FBH1: variants seen among roughly 807,000 people sequenced by gnomAD.
FBH1 encodes F-box DNA helicase 1.
Under a neutral mutation model 115.5 loss-of-function variants are expected in FBH1, and 43 were observed. That is an observed-to-expected ratio of 0.37 (90% CI 0.29 to 0.48). The LOEUF (loss-of-function observed/expected upper bound fraction) is 0.48. Among genes scored for constraint, FBH1 ranks in the 20% least tolerant of loss-of-function variants. FBH1 has a pLI of 0.99. For missense variants in FBH1, 1,001 were observed against 1,337.3 expected, an observed-to-expected ratio of 0.75 and a Z score of 3.92; for synonymous variants, 524 against 507.8, an observed-to-expected ratio of 1.03 and a Z score of -0.43.
intron 19 of FBH1, 33 bp downstream of exon 19, chr10:5,927,574 T>A: frequency 6.5e-7 from 1 of 1,543,712 alleles, no homozygotes; most frequent in Non-Finnish European, 8.9e-7. Context: ...GCTAACTTGA[T>A]GCCATTGAAT....
chr10:5,936,515 C>T lies in FBH1; in HGVS notation c.2889C>T (p.Cys963=), dbSNP rs1386061675. 4.3e-6 allele frequency: 7 copies of T among 1,614,012 alleles called. No individual in the cohort carries two copies. The highest frequency in any genetic ancestry group is 5.9e-6 in the Non-Finnish European group (7 of 1,180,010). Residue 963 remains cysteine, a synonymous_variant, in exon 20 of 21, where the codon TGC becomes TGT. Coordinates refer to ENST00000362091, the MANE Select transcript of FBH1 (RefSeq NM_178150.3). This position sits in a 1 kb window ranked among gnomAD's most constrained non-coding sequence, Gnocchi z 5.6. The part of the protein sequence containing the change: ...SNVLKTGVVR[C]CVGQCNNAIP... ...TCTTAAAAACAGGCGTGGTGCGCTG[C>T]TGCGTGGGACAGTGCAACAATGCCA...
Position 5,932,119 on chromosome 10 carries a change from C to T in FBH1, c.2830-4337C>T, listed in dbSNP as rs1318011153. On this transcript the variant is annotated intron_variant, in intron 19 of 20. Coordinates refer to ENST00000362091, the MANE Select transcript of FBH1 (RefSeq NM_178150.3). The surrounding 1 kb of genome is among the most constrained non-coding windows in gnomAD (Gnocchi z 5.9). ...CTGAGATTGTGCCACTGCACTCCAGCCTGGGTGACAGAGTGAGACCCTGTC... is the reference window on the plus strand; with the variant it reads ...CTGAGATTGTGCCACTGCACTCCAGTCTGGGTGACAGAGTGAGACCCTGTC... Among the ~76,000 whole-genome samples the T allele has an allele frequency of 6.6e-6, 1 of 152,152 alleles. No homozygotes were observed. The highest frequency in any genetic ancestry group is 1.9e-4 in the East Asian group (1 of 5,194).
At chr10:5,920,204 C>T (rs1245189146) in intron 13 of FBH1, among the ~76,000 whole-genome samples, 1 of 152,210 alleles carries the variant, frequency 6.6e-6, no homozygotes, top group Non-Finnish European at 1.5e-5. Flanking sequence ...TGGGATTTGT[C>T]TAATGTCTTT....
chr10:5,899,778 C>G lies in FBH1; in HGVS notation c.2-3242C>G, dbSNP rs117149007. Reference sequence around the variant, plus strand: ...CCCCATTCAGGCAAAATAGTCCTTGCGTTATATTTGTAATATGAAGGGTTT... The same window carrying G: ...CCCCATTCAGGCAAAATAGTCCTTGGGTTATATTTGTAATATGAAGGGTTT... On this transcript the variant is annotated intron_variant, in intron 1 of 20. Coordinates refer to ENST00000362091, the MANE Select transcript of FBH1 (RefSeq NM_178150.3). Among the ~76,000 whole-genome samples the G allele has an allele frequency of 3.2e-3, 492 of 152,178 alleles. 2 individuals are homozygous for G. Among genetic ancestry groups the G allele is most frequent in the Non-Finnish European group, 5.1e-3 (348 of 68,008 alleles).
intron 1 of FBH1, chr10:5,894,938 T>G: frequency 1.8e-6 from 2 of 1,103,876 alleles, no homozygotes; most frequent in South Asian, 1.6e-5. Context: ...GTATCTCGGG[T>G]GTACAGGGCG....
At position 5,913,212 on chromosome 10, in the gene FBH1, C is replaced by G. The variant is rs769668757; in HGVS notation, c.1212-535C>G. 2.0e-5 allele frequency among the ~76,000 whole-genome samples: 3 copies of G among 152,114 alleles called. No individual in the cohort carries two copies. The highest frequency in any genetic ancestry group is 6.5e-5 in the Admixed American group (1 of 15,278). On this transcript the variant is annotated intron_variant, in intron 6 of 20. Transcript: ENST00000362091. This position sits in a 1 kb window ranked among gnomAD's most constrained non-coding sequence, Gnocchi z 4.4. ...GACTTGGAGCCTACTGTTTTCAGGTCCTTAGTAGTCAGATCTTGTTATCCA... is the reference window on the plus strand; with the variant it reads ...GACTTGGAGCCTACTGTTTTCAGGTGCTTAGTAGTCAGATCTTGTTATCCA...
In FBH1 at chr10:5,927,525, T is replaced by C; in HGVS notation, c.2813T>C (p.Ile938Thr). Residue 938 changes from isoleucine to threonine, a missense_variant, in exon 19 of 21, where the codon ATT (isoleucine) becomes ACT (threonine). Around this residue, in one of 4 missense-constraint regions of FBH1, gnomAD observed 521 missense variants for 811.0 expected, o/e 0.64. Coordinates refer to ENST00000362091, the MANE Select transcript of FBH1 (RefSeq NM_178150.3). ...RLIMTKSLEN[I>T]LTLAGEYFLQ... The stretch of plus-strand genomic sequence containing the variant: ...ATCATGACCAAATCATTGGAAAACA[T>C]TTTGACTTTGGCTGGGGTAAGCAGA... The C allele has an allele frequency of 1.2e-6, 2 of 1,612,910 alleles. No individual in the cohort carries two copies. Among genetic ancestry groups the C allele is most frequent in the Non-Finnish European group, 1.7e-6 (2 of 1,179,650 alleles).
intron 1 of FBH1, among the ~76,000 whole-genome samples, chr10:5,898,616 G>A (rs890437416): frequency 1.3e-5 from 2 of 151,964 alleles, no homozygotes; most frequent in African/African-American, 2.4e-5. Flanking sequence ...TCACTATGTT[G>A]CCAGGCTGGT....
intron 13 of FBH1, among the ~76,000 whole-genome samples, chr10:5,919,260 C>T (rs1190195627): frequency 2.0e-5 from 3 of 152,132 alleles, no homozygotes; most frequent in Admixed American, 1.3e-4. Context: ...CCAAGAAGGA[C>T]AGATCACTTG....
chr10:5,895,096 T>G lies in FBH1; in HGVS notation c.1+4750T>G, dbSNP rs1842936227. 1 of 1,613,864 alleles carries G rather than the reference T, an allele frequency of 6.2e-7. No homozygotes were observed. Among genetic ancestry groups the G allele is most frequent in the Admixed American group, 1.7e-5 (1 of 59,968 alleles). On this transcript the variant is annotated intron_variant, in intron 1 of 20. Coordinates refer to ENST00000362091, the MANE Select transcript of FBH1 (RefSeq NM_178150.3). This position sits in a 1 kb window ranked among gnomAD's most constrained non-coding sequence, Gnocchi z 5.0. ...GTCAAGTGCCTGAGTCATGTGATAA[T>G]GGGCTACATTGCGCAGGGCCCCTGG...
Position 5,909,623 on chromosome 10 carries a change from A to T in FBH1, c.1020+329A>T. 3.7e-6 allele frequency: 1 copy of T among 273,202 alleles called. No individual in the cohort carries two copies. Among genetic ancestry groups the T allele is most frequent in the South Asian group, 8.7e-5 (1 of 11,460 alleles). 16.9% of individuals were successfully genotyped at this position (273,202 alleles called of 1,614,324 possible). Reference sequence around the variant, plus strand: ...ATAGGATTTCTTTACAAGACAGCCCACCCCATTATCAACAAGTTTGCTTAT... The same window carrying T: ...ATAGGATTTCTTTACAAGACAGCCCTCCCCATTATCAACAAGTTTGCTTAT... On this transcript the variant is annotated intron_variant, in intron 5 of 20. Coordinates refer to ENST00000362091, the MANE Select transcript of FBH1 (RefSeq NM_178150.3). This position sits in a 1 kb window ranked among gnomAD's most constrained non-coding sequence, Gnocchi z 4.4.
At position 5,913,968 on chromosome 10, in the gene FBH1, C is replaced by T; in HGVS notation, c.1304+129C>T. 1 of 845,730 alleles carries T rather than the reference C, an allele frequency of 1.2e-6. No individual in the cohort carries two copies. The highest frequency in any genetic ancestry group is 1.9e-6 in the Non-Finnish European group (1 of 528,898). 52.4% of individuals were successfully genotyped at this position (845,730 alleles called of 1,614,324 possible). ...AATAATGTAAATTGTGTAAAACTCA[C>T]CCATCCTAAGAGTGTGATTCAGTGA... On this transcript the variant is annotated intron_variant, in intron 7 of 20. Transcript: ENST00000362091. This position sits in a 1 kb window ranked among gnomAD's most constrained non-coding sequence, Gnocchi z 4.4.
rs1279540112 is a variant in FBH1 at position 5,890,362 on chromosome 10, G to A, written c.1+16G>A. 1.7e-4 allele frequency: 65 copies of A among 375,458 alleles called. 1 individual carries two copies. Among genetic ancestry groups the A allele is most frequent in the Non-Finnish European group, 2.9e-4 (58 of 201,568 alleles). 23.3% of individuals were successfully genotyped at this position (375,458 alleles called of 1,614,324 possible). A position where few individuals can be genotyped will look rare whatever the true frequency, so the allele number is the denominator to read the frequency against. On this transcript the variant is annotated intron_variant, in intron 1 of 20. Transcript: ENST00000362091. ...GAGCGCCACAGTGCGTGAGGCCGCAGACGTGGCAGGGAGTGTGGGAGGGGC... is the reference window on the plus strand; with the variant it reads ...GAGCGCCACAGTGCGTGAGGCCGCAAACGTGGCAGGGAGTGTGGGAGGGGC...
chr10:5,924,370 G>A lies in FBH1; in HGVS notation c.2458G>A (p.Gly820Ser), dbSNP rs1487386678. ...RRWVHKEGFS[G>S]FKRYVTAAED... ...ATGGGTGCACAAAGAAGGCTTTAGT[G>A]GCTTCAAGAGGTATGTGACCGCTGC... Residue 820 changes from glycine (G) to serine (S), a missense_variant, in exon 17 of 21, where the codon GGC becomes AGC. Physicochemically the swap from Gly to Ser is moderately conservative, Grantham distance 56. This residue lies in a region of FBH1 where 521 missense variants were observed against 811.0 expected (regional missense o/e 0.64). Coordinates refer to ENST00000362091, the MANE Select transcript of FBH1 (RefSeq NM_178150.3). The surrounding 1 kb of genome is among the most constrained non-coding windows in gnomAD (Gnocchi z 6.2). The A allele has an allele frequency of 1.2e-6, 2 of 1,614,214 alleles. No homozygotes were observed. Among genetic ancestry groups the A allele is most frequent in the South Asian group, 2.2e-5 (2 of 91,080 alleles).
At chr10:5,899,136 AC>A (rs1003570125) in intron 1 of FBH1, among the ~76,000 whole-genome samples, 1 of 152,088 alleles carries the variant, frequency 6.6e-6, no homozygotes, top group African/African-American at 2.4e-5. Context: ...TGGGCATCAG[AC>A]CCTTCAACTG....
Position 5,925,202 on chromosome 10 carries a change from T to C in FBH1, c.2597-165T>C. 1 of 804,496 alleles carries C rather than the reference T, an allele frequency of 1.2e-6. No individual in the cohort carries two copies. Among genetic ancestry groups the C allele is most frequent in the Non-Finnish European group, 1.9e-6 (1 of 522,826 alleles). 49.8% of individuals were successfully genotyped at this position (804,496 alleles called of 1,614,324 possible). On this transcript the variant is annotated intron_variant, in intron 17 of 20. Transcript: ENST00000362091. The surrounding 1 kb of genome is among the most constrained non-coding windows in gnomAD (Gnocchi z 4.6). ...TTTTTCTTTTTTCTGTTCCCGACAG[T>C]TGTCTGTTCCCGACAGTTGTTTCCT... is the stretch of plus-strand genomic sequence containing the variant.
At position 5,923,090 on chromosome 10, in the gene FBH1, C is replaced by T. The variant is rs1270174150; in HGVS notation, c.2323-531C>T. On this transcript the variant is annotated intron_variant, in intron 15 of 20. Transcript: ENST00000362091. This position sits in a 1 kb window ranked among gnomAD's most constrained non-coding sequence, Gnocchi z 5.7. The stretch of plus-strand genomic sequence containing the variant: ...TAGAGACGGGGTTTCACCATGTTGG[C>T]CAGGCTGGTCTTGAACTCCTGGCCT... Among the ~76,000 whole-genome samples the T allele has an allele frequency of 2.0e-5, 3 of 152,144 alleles. No individual in the cohort carries two copies. The highest frequency in any genetic ancestry group is 7.2e-5 in the African/African-American group (3 of 41,428).
At chr10:5,891,182 T>C in intron 1 of FBH1, 1 of 985,828 alleles carries the variant, frequency 1.0e-6, no homozygotes, top group Non-Finnish European at 1.2e-6. Flanking sequence ...TCTGCCGCTG[T>C]GGTAAAATGA....
intron 3 of FBH1, 46 bp from the exon 4 acceptor site, chr10:5,908,879 A>T (rs781633567): frequency 1.9e-6 from 3 of 1,608,104 alleles, no homozygotes; most frequent in Middle Eastern, 1.7e-4. Flanking sequence ...CTGCTTTCTA[A>T]TGGCCCTTTG....
Sources: gnomAD v4.1 joint callset for allele counts (sites outside exome capture counted in the v4.1 genomes callset) on GRCh38, gnomAD v4.1.1 for gene constraint, gnomAD v4.1.1 regional missense constraint, Gnocchi (gnomAD v3.1) non-coding constraint, MANE v1.5 for transcripts, NCBI Gene and HGNC (gene_info 2026-07-23, HGNC 2026-07-21) for gene names.